Variants in TMCO4 observed in about 807,000 individuals in gnomAD.
TMCO4 encodes transmembrane and coiled-coil domains 4.
In TMCO4, 58 loss-of-function variants were observed where a neutral mutation model predicts 64.7. The ratio of observed to expected loss-of-function variants is 0.90; its 90% CI spans 0.73 to 1.12. The LOEUF (loss-of-function observed/expected upper bound fraction) is 1.12, where lower values mean the gene tolerates loss of function less well. TMCO4 is among the 50% of genes most tolerant of loss of function. TMCO4 has a pLI of 0.00. For missense variants in TMCO4, 780 were observed against 825.9 expected, an observed-to-expected ratio of 0.94 and a Z score of 0.68; for synonymous variants, 325 against 346.1, an observed-to-expected ratio of 0.94 and a Z score of 0.68.
At chr1:19,759,300 C>A (rs1253148219) in intron 6 of TMCO4, among the ~76,000 whole-genome samples, 1 of 151,974 alleles carries the variant, frequency 6.6e-6, no homozygotes, top group Admixed American at 6.6e-5. Flanking sequence ...CAGCCACAGC[C>A]CTCGCTCTCC....
At chr1:19,766,851 C>A (rs1419605900) in intron 6 of TMCO4, among the ~76,000 whole-genome samples, 8 of 151,990 alleles carry the variant, frequency 5.3e-5, no homozygotes, top group African/African-American at 1.9e-4. Context: ...ACCACTTCCC[C>A]CTCTAGGCCT....
intron 13 of TMCO4, among the ~76,000 whole-genome samples, chr1:19,720,545 TG>T (rs1164386617): frequency 6.6e-6 from 1 of 152,212 alleles, no homozygotes; most frequent in Non-Finnish European, 1.5e-5. Context: ...TGGGTCCTAA[TG>T]TTTTATATTT....
chr1:19,781,758 T>A (rs2043493558), intron 3 of TMCO4, among the ~76,000 whole-genome samples: 1 of 151,822 alleles, frequency 6.6e-6, no homozygotes, highest in Admixed American at 6.6e-5. Context: ...ATCATTCTCC[T>A]GCCTCAGCCT....
At chr1:19,746,375 A>G in intron 9 of TMCO4, 81 bp downstream of exon 9, 1 of 1,569,776 alleles carries the variant, frequency 6.4e-7, no homozygotes, top group Non-Finnish European at 8.7e-7. Flanking sequence ...ACTGCTGGTG[A>G]GGATCCAGGC....
At chr1:19,723,520 T>C (rs957650608) in intron 13 of TMCO4, among the ~76,000 whole-genome samples, 1 of 152,186 alleles carries the variant, frequency 6.6e-6, no homozygotes, top group Non-Finnish European at 1.5e-5. Flanking sequence ...CCAGTCATCA[T>C]GTAGCTAAAG....
chr1:19,794,862 A>C (rs2044227393), intron 2 of TMCO4, among the ~76,000 whole-genome samples: 1 of 152,232 alleles, frequency 6.6e-6, no homozygotes. Flanking sequence ...ATGAACCTTG[A>C]AAAGTTGTGA....
At chr1:19,708,128 C>T (rs186525801) in intron 13 of TMCO4, among the ~76,000 whole-genome samples, 49 of 152,190 alleles carry the variant, frequency 3.2e-4, no homozygotes, top group Middle Eastern at 3.4e-3. Flanking sequence ...TTGGGACAGC[C>T]TAGTTTTGTT....
At chr1:19,779,668 C>T (rs1055769029) in intron 4 of TMCO4, among the ~76,000 whole-genome samples, 1 of 152,228 alleles carries the variant, frequency 6.6e-6, no homozygotes, top group African/African-American at 2.4e-5. Flanking sequence ...GGCACCCCTA[C>T]CTAGATGTAA....
chr1:19,749,571 T>A (rs978367731), intron 7 of TMCO4, among the ~76,000 whole-genome samples: 4 of 152,184 alleles, frequency 2.6e-5, no homozygotes, highest in African/African-American at 9.7e-5. Flanking sequence ...TTTTGCCACG[T>A]TGCCCAGGCT....
chr1:19,731,840 C>T (rs532639217), intron 13 of TMCO4, among the ~76,000 whole-genome samples: 8 of 152,306 alleles, frequency 5.3e-5, no homozygotes, highest in Non-Finnish European at 1.0e-4. Flanking sequence ...GCTTGGCTCT[C>T]GGGATCAGGA....
intron 1 of TMCO4, among the ~76,000 whole-genome samples, 178 bp downstream of exon 1, chr1:19,799,677 C>G (rs1320453524): frequency 1.3e-5 from 2 of 152,228 alleles, no homozygotes; most frequent in Non-Finnish European, 2.9e-5. Flanking sequence ...GCAGGCAGCG[C>G]CAGGGAGCGC....
chr1:19,724,622 G>A (rs977921472), intron 13 of TMCO4, among the ~76,000 whole-genome samples: 3 of 152,168 alleles, frequency 2.0e-5, no homozygotes, highest in East Asian at 1.9e-4. Context: ...CCCCCAGAGG[G>A]ATCAATATCC....
At chr1:19,781,821 T>G (rs1198629570) in intron 3 of TMCO4, among the ~76,000 whole-genome samples, 1 of 152,126 alleles carries the variant, frequency 6.6e-6, no homozygotes, top group Non-Finnish European at 1.5e-5. Context: ...TAACTTTTTG[T>G]ATTTTTAGTA....
At chr1:19,753,304 C>T (rs1483353521) in intron 7 of TMCO4, among the ~76,000 whole-genome samples, 1 of 152,178 alleles carries the variant, frequency 6.6e-6, no homozygotes, top group Non-Finnish European at 1.5e-5. Context: ...CTCACATCTT[C>T]TGAGACTCTA....
In TMCO4 at chr1:19,743,604, C is replaced by T. The variant is rs1339815314; in HGVS notation, c.877+1928G>A. On this transcript the variant is annotated intron_variant, in intron 10 of 15. Coordinates refer to ENST00000294543, the MANE Select transcript of TMCO4 (RefSeq NM_181719.7). The surrounding 1 kb of genome is among the most constrained non-coding windows in gnomAD (Gnocchi z 4.1). ...CCCCAAATGAACTTGACCTTTAACC[C>T]GGGGCAAACTGAACAAATAGGGGCA... Among the ~76,000 whole-genome samples, 2 of 152,084 alleles carry T rather than the reference C, an allele frequency of 1.3e-5. No homozygotes were observed. The highest frequency in any genetic ancestry group is 2.9e-5 in the Non-Finnish European group (2 of 68,006).
chr1:19,709,602 C>T (rs2095320572), intron 13 of TMCO4, among the ~76,000 whole-genome samples: 1 of 152,110 alleles, frequency 6.6e-6, no homozygotes, highest in South Asian at 2.1e-4. Context: ...TTTGTGAGCA[C>T]ATTGACAAAC....
At chr1:19,741,444 T>C (rs1408439908) in intron 10 of TMCO4, among the ~76,000 whole-genome samples, 1 of 152,154 alleles carries the variant, frequency 6.6e-6, no homozygotes, top group Non-Finnish European at 1.5e-5. Context: ...GCTAGAAATT[T>C]GGGGAAGAGA....
At chr1:19,718,139 C>T (rs1418120247) in intron 13 of TMCO4, among the ~76,000 whole-genome samples, 2 of 151,926 alleles carry the variant, frequency 1.3e-5, no homozygotes, top group Non-Finnish European at 2.9e-5. Flanking sequence ...TCAAGACCAG[C>T]CTGGCCAACA....
Position 19,745,646 on chromosome 1 carries a change from T to C in TMCO4, c.763A>G (p.Lys255Glu). The C allele has an allele frequency of 6.2e-7, 1 of 1,610,076 alleles. No homozygotes were observed. Among genetic ancestry groups the C allele is most frequent in the East Asian group, 2.2e-5 (1 of 44,804 alleles). ...GAAGAGLTGY[K>E]MKKRVGAIEE... ...ATGGCTCCCACTCGCTTCTTCATCT[T>C]GTATCCTAAAGACCCAGATCCGAGA... The change falls in exon 10 of 16, where the codon AAG becomes GAG. Residue 255 changes from lysine to glutamate, a missense_variant. Lys to Glu is a moderately conservative substitution (Grantham distance 56, BLOSUM62 1). Transcript: ENST00000294543.
Sources: allele counts gnomAD v4.1 joint callset (sites outside exome capture counted in the v4.1 genomes callset), GRCh38; gene constraint gnomAD v4.1.1; non-coding constraint Gnocchi (gnomAD v3.1); transcripts MANE v1.5; gene names NCBI Gene and HGNC (gene_info 2026-07-23, HGNC 2026-07-21).